SDK1: variants seen among roughly 807,000 people sequenced by gnomAD.
SDK1 encodes the protein sidekick cell adhesion molecule 1.
In SDK1, 157 loss-of-function variants were observed where a neutral mutation model predicts 245.5. The ratio of observed to expected loss-of-function variants is 0.64; its 90% CI spans 0.56 to 0.73. SDK1 has a LOEUF of 0.73. SDK1 is among the 30% of genes least tolerant of loss of function. The probability of loss-of-function intolerance (pLI) is 0.00; values close to 1 mark genes in which losing one functional copy is unlikely to be tolerated. For missense variants in SDK1, 3,583 were observed against 3,002.3 expected (o/e 1.19, Z -4.52); for synonymous variants, 1,647 against 1,278.5 (o/e 1.29, Z -6.15).
In SDK1 at chr7:4,039,179, C is replaced by T. The variant is rs1212554750; in HGVS notation, c.2603-10169C>T. ...GGGTGGGGGGAGCGGGGAGGGATAGCATTAGGAGATATACCTAATGTTAAA... is the reference window on the plus strand; with the variant it reads ...GGGTGGGGGGAGCGGGGAGGGATAGTATTAGGAGATATACCTAATGTTAAA... On this transcript the variant is annotated intron_variant, in intron 17 of 44. Transcript: ENST00000404826. 2.0e-5 allele frequency among the ~76,000 whole-genome samples: 3 copies of T among 151,766 alleles called. No homozygotes were observed. The East Asian group carries it at 5.8e-4, about 29-fold the overall frequency.
chr7:3,643,004 A>G (rs1056674079), intron 4 of SDK1: 6 of 152,274 alleles, frequency 3.9e-5, no homozygotes, highest in African/African-American at 1.4e-4. Context: ...TTTTACATCT[A>G]ACTGTGAAAG....
At chr7:3,747,740 A>G (rs1779667259) in intron 4 of SDK1, among the ~76,000 whole-genome samples, 1 of 151,888 alleles carries the variant, frequency 6.6e-6, no homozygotes, top group Non-Finnish European at 1.5e-5. Context: ...TTTTCACTGA[A>G]GAGTTGATGA....
chr7:3,417,516 T>G (rs1379912579), intron 1 of SDK1, among the ~76,000 whole-genome samples: 2 of 152,214 alleles, frequency 1.3e-5, no homozygotes, highest in African/African-American at 4.8e-5. Flanking sequence ...TACACTTAAA[T>G]AGTACCTTCT....
At chr7:3,897,902 C>T (rs571746311) in intron 5 of SDK1, among the ~76,000 whole-genome samples, 1 of 151,808 alleles carries the variant, frequency 6.6e-6, no homozygotes, top group Admixed American at 6.6e-5. Flanking sequence ...ATCTTTTACT[C>T]TTCTCTTTGC....
intron 5 of SDK1, among the ~76,000 whole-genome samples, chr7:3,823,284 C>T (rs915117914): frequency 2.0e-5 from 3 of 152,078 alleles, no homozygotes; most frequent in African/African-American, 7.2e-5. Flanking sequence ...CAGGTAGAGC[C>T]ATTTATCTTG....
chr7:3,343,790 A>G (rs1243864560), intron 1 of SDK1, among the ~76,000 whole-genome samples: 1 of 152,164 alleles, frequency 6.6e-6, no homozygotes, highest in East Asian at 1.9e-4. Flanking sequence ...TACAGGTGAT[A>G]ACAAGTAACT....
chr7:3,993,511 C>T (rs1188099458), intron 14 of SDK1, among the ~76,000 whole-genome samples: 1 of 151,984 alleles, frequency 6.6e-6, no homozygotes, highest in African/African-American at 2.4e-5. Flanking sequence ...CCCTATTATA[C>T]CTTGTAATAT....
chr7:4,122,727 G>GAAA (rs1784149916), intron 25 of SDK1, among the ~76,000 whole-genome samples: 1 of 152,166 alleles, frequency 6.6e-6, no homozygotes, highest in Non-Finnish European at 1.5e-5. Flanking sequence ...GAGAAAAGAA[G>GAAA]CCATGGAATG....
chr7:3,489,889 A>G (rs554466593), intron 1 of SDK1, among the ~76,000 whole-genome samples: 61 of 152,346 alleles, frequency 4.0e-4, no homozygotes, highest in African/African-American at 1.5e-3. Context: ...CTGTAATGTC[A>G]CTAATGAGTC....
chr7:3,362,222 C>T (rs1436137631), intron 1 of SDK1, among the ~76,000 whole-genome samples: 2 of 152,160 alleles, frequency 1.3e-5, no homozygotes, highest in South Asian at 2.1e-4. Context: ...TGGCCGACTA[C>T]GACAGTGTGT....
At chr7:3,556,708 G>A (rs1038338062) in intron 1 of SDK1, among the ~76,000 whole-genome samples, 1 of 152,068 alleles carries the variant, frequency 6.6e-6, no homozygotes. Context: ...TGTAATCCCA[G>A]CTACTCTGGA....
intron 28 of SDK1, among the ~76,000 whole-genome samples, chr7:4,133,657 T>G (rs564076825): frequency 2.1e-3 from 314 of 152,222 alleles, no homozygotes; most frequent in African/African-American, 7.1e-3. Context: ...GCTCCAAGGC[T>G]GGGGATGGAG....
chr7:4,167,741 A>G lies in SDK1; in HGVS notation c.4800+5885A>G, dbSNP rs891698602. Among the ~76,000 whole-genome samples the G allele has an allele frequency of 2.0e-5, 3 of 152,266 alleles. No homozygotes were observed. The East Asian group carries it at 5.8e-4, about 29-fold the overall frequency. On this transcript the variant is annotated intron_variant, in intron 32 of 44. Coordinates refer to ENST00000404826, the MANE Select transcript of SDK1 (RefSeq NM_152744.4). ...CCTGGGCATATGCAGAGTCAGAGAC[A>G]TGCGAAGGGCTGGGGACACGGGTCT...
At chr7:3,340,509 T>G (rs1447966394) in intron 1 of SDK1, among the ~76,000 whole-genome samples, 1 of 152,126 alleles carries the variant, frequency 6.6e-6, no homozygotes, top group African/African-American at 2.4e-5. Context: ...ACGCCTGTAA[T>G]CCCAGCACTT....
chr7:3,568,767 A>G (rs1780007062), intron 1 of SDK1, among the ~76,000 whole-genome samples: 1 of 152,188 alleles, frequency 6.6e-6, no homozygotes, highest in African/African-American at 2.4e-5. Flanking sequence ...AGCTGATGTC[A>G]TCTTTGGGAG....
chr7:3,549,684 A>G (rs1265435067), intron 1 of SDK1, among the ~76,000 whole-genome samples: 1 of 152,178 alleles, frequency 6.6e-6, no homozygotes, highest in African/African-American at 2.4e-5. Context: ...AAATAAGCTG[A>G]AAATTATCAC....
At chr7:4,022,935 C>T (rs556535605) in intron 17 of SDK1, among the ~76,000 whole-genome samples, 4 of 151,962 alleles carry the variant, frequency 2.6e-5, no homozygotes, top group South Asian at 2.1e-4. Flanking sequence ...CAACATGCCC[C>T]GCTAATTTTT....
intron 1 of SDK1, among the ~76,000 whole-genome samples, chr7:3,461,782 T>C (rs1227937843): frequency 1.3e-5 from 2 of 152,220 alleles, no homozygotes; most frequent in Non-Finnish European, 2.9e-5. Flanking sequence ...CCTGCATTTA[T>C]CTTCAGCATT....
chr7:3,918,136 A>G (rs982111869), intron 5 of SDK1, among the ~76,000 whole-genome samples: 1 of 152,164 alleles, frequency 6.6e-6, no homozygotes, highest in Non-Finnish European at 1.5e-5. Flanking sequence ...CAAACTCAAC[A>G]GAAGATCAGG....
Sources: gnomAD v4.1 joint callset for allele counts (sites outside exome capture counted in the v4.1 genomes callset) on GRCh38, gnomAD v4.1.1 for gene constraint, MANE v1.5 for transcripts, NCBI Gene and HGNC (gene_info 2026-07-23, HGNC 2026-07-21) for gene names.